The following NPLOC4 variants were observed in gnomAD, a reference collection of about 807,000 sequenced individuals.
NPLOC4 encodes NPL4 homolog, ubiquitin recognition factor.
A neutral mutation model predicts 80.6 loss-of-function variants in NPLOC4; 18 were observed. The observed-to-expected ratio is 0.22, with a 90% confidence interval of 0.15 to 0.33. The LOEUF (loss-of-function observed/expected upper bound fraction) is 0.33. NPLOC4 is among the 10% of genes least tolerant of loss of function. NPLOC4 has a pLI of 1.00. For synonymous variants in NPLOC4, 313 were observed against 301.5 expected, an observed-to-expected ratio of 1.04 and a Z score of -0.39; for missense variants, 540 against 786.1, an observed-to-expected ratio of 0.69 and a Z score of 3.74.
At chr17:81,565,885 T>C (rs2033995511) in intron 15 of NPLOC4, among the ~76,000 whole-genome samples, 1 of 152,212 alleles carries the variant, frequency 6.6e-6, no homozygotes, top group Admixed American at 6.5e-5. Context: ...GGATAGGAGC[T>C]CATGCCTCTC....
chr17:81,610,748 C>T (rs71373086), intron 4 of NPLOC4, among the ~76,000 whole-genome samples: 1 of 36,512 alleles, frequency 2.7e-5, no homozygotes, highest in African/African-American at 6.8e-5. Context: ...GTCAGGAGAT[C>T]GAGACCATCC....
At chr17:81,559,774 C>T (rs547521332) in intron 16 of NPLOC4, among the ~76,000 whole-genome samples, 1 of 149,376 alleles carries the variant, frequency 6.7e-6, no homozygotes, top group African/African-American at 2.5e-5. Flanking sequence ...GCTCTGTCAC[C>T]CAGGCTGGAG....
intron 12 of NPLOC4, among the ~76,000 whole-genome samples, chr17:81,575,263 C>A (rs2034266894): frequency 6.6e-6 from 1 of 152,140 alleles, no homozygotes; most frequent in Admixed American, 6.5e-5. Context: ...CCACGCCCGG[C>A]TAATTTTTTT....
chr17:81,558,202 A>G lies in NPLOC4; in HGVS notation c.*1057T>C, dbSNP rs1198335140. 3 of 152,346 alleles carry G rather than the reference A, an allele frequency of 2.0e-5. No homozygotes were observed. The highest frequency in any genetic ancestry group is 4.4e-5 in the Non-Finnish European group (3 of 68,132). 9.4% of individuals were successfully genotyped at this position (152,346 alleles called of 1,614,324 possible). A position where few individuals can be genotyped will look rare whatever the true frequency, so the allele number is the denominator to read the frequency against. ...TCTATTGGTACACTATCAATTGTGC[A>G]GTGCCCCAGGGAGGTCCCAAATGGC... On this transcript the variant is annotated 3_prime_UTR_variant, in exon 17 of 17. Coordinates refer to ENST00000331134, the MANE Select transcript of NPLOC4 (RefSeq NM_017921.4).
intron 1 of NPLOC4, among the ~76,000 whole-genome samples, chr17:81,635,311 C>T (rs1399372852): frequency 6.8e-6 from 1 of 147,256 alleles, no homozygotes; most frequent in Non-Finnish European, 1.5e-5. Flanking sequence ...TGAACTCCAG[C>T]CTGGGCGACA....
intron 12 of NPLOC4, among the ~76,000 whole-genome samples, chr17:81,588,725 T>A (rs1418478142): frequency 1.3e-5 from 2 of 152,226 alleles, no homozygotes. Context: ...TCAAAGCCAG[T>A]GCATGTAGCT....
chr17:81,604,495 C>T (rs975148209), intron 8 of NPLOC4, 53 bp downstream of exon 8: 2 of 1,552,020 alleles, frequency 1.3e-6, no homozygotes, highest in Non-Finnish European at 1.8e-6. Context: ...AAAGGGCGTC[C>T]CCCACAGCCT....
At chr17:81,588,733 G>C (rs531062831) in intron 12 of NPLOC4, among the ~76,000 whole-genome samples, 6 of 152,310 alleles carry the variant, frequency 3.9e-5, no homozygotes, top group African/African-American at 1.4e-4. Context: ...AGTGCATGTA[G>C]CTCCACTTCT....
In NPLOC4 at chr17:81,574,107, T is replaced by C. The variant is rs571218105; in HGVS notation, c.1282-2019A>G. 2.6e-5 allele frequency among the ~76,000 whole-genome samples: 4 copies of C among 152,336 alleles called. No individual in the cohort carries two copies. The South Asian group carries it at 8.3e-4, about 32-fold the overall frequency. The stretch of plus-strand genomic sequence containing the variant: ...CAAATCCAGTCAAACTAAATCACCA[T>C]TTCCAAAAATACAGGCTTGCCCCTA... On this transcript the variant is annotated intron_variant, in intron 12 of 16. Coordinates refer to ENST00000331134, the MANE Select transcript of NPLOC4 (RefSeq NM_017921.4).
chr17:81,634,310 T>C (rs11871166), intron 1 of NPLOC4, among the ~76,000 whole-genome samples: 17,247 of 152,110 alleles, frequency 0.11, 1,201 homozygotes, highest in Non-Finnish European at 0.15. Context: ...CCAGAAACTT[T>C]TCAAAAGATC....
chr17:81,611,907 C>T (rs935889264), intron 4 of NPLOC4, among the ~76,000 whole-genome samples: 9 of 145,812 alleles, frequency 6.2e-5, no homozygotes, highest in East Asian at 2.0e-4. Flanking sequence ...TGGCAGTGAG[C>T]GGACGTCGCG....
chr17:81,559,350 G>A lies in NPLOC4; in HGVS notation c.1736C>T (p.Ala579Val), dbSNP rs1385989240. ...CTGACAGGCCCACATGGCTGCAGTG[G>A]CCGTGTGTGTGGAGCCCCCGACGGC... ...YGAVGGSTHTATAAMWACQHC... is the reference protein window; with the variant it reads ...YGAVGGSTHTVTAAMWACQHC... The change falls in exon 17 of 17, where the codon GCC (alanine) becomes GTC (valine). Residue 579 changes from alanine (A) to valine (V), a missense_variant. Physicochemically the swap from Ala to Val is moderately conservative, Grantham distance 64. This residue lies in a region of NPLOC4 where 87 missense variants were observed against 70.3 expected (regional missense o/e 1.24). Transcript: ENST00000331134. 16 of 1,607,606 alleles carry A rather than the reference G, an allele frequency of 1.0e-5. No homozygotes were observed. Among genetic ancestry groups the A allele is most frequent in the Middle Eastern group, 1.7e-4 (1 of 6,004 alleles).
chr17:81,621,923 T>C (rs757877949), intron 3 of NPLOC4, among the ~76,000 whole-genome samples: 3 of 152,180 alleles, frequency 2.0e-5, no homozygotes, highest in Non-Finnish European at 2.9e-5. Context: ...AGACAATAAC[T>C]TTCTCCTCAG....
intron 11 of NPLOC4, among the ~76,000 whole-genome samples, chr17:81,593,163 TATA>T (rs1302420629): frequency 1.3e-5 from 2 of 152,142 alleles, no homozygotes; most frequent in African/African-American, 4.8e-5. Flanking sequence ...AATTCTGTTT[TATA>T]AATAGCCACA....
intron 7 of NPLOC4, 122 bp from the exon 8 acceptor site, chr17:81,604,849 G>T: frequency 3.5e-6 from 3 of 857,516 alleles, no homozygotes; most frequent in Non-Finnish European, 3.6e-6. Flanking sequence ...AACCAATAGG[G>T]TGTGATGGTG....
intron 12 of NPLOC4, among the ~76,000 whole-genome samples, chr17:81,576,830 C>T (rs1244785957): frequency 6.6e-6 from 1 of 152,176 alleles, no homozygotes; most frequent in Non-Finnish European, 1.5e-5. Flanking sequence ...GGTCCTGGGC[C>T]TGCCTGGTCC....
At chr17:81,602,866 C>T (rs2035095095) in intron 8 of NPLOC4, among the ~76,000 whole-genome samples, 1 of 151,636 alleles carries the variant, frequency 6.6e-6, no homozygotes, top group South Asian at 2.1e-4. Flanking sequence ...ATGGCGAGAT[C>T]TGTCTCCACA....
Position 81,557,332 on chromosome 17 carries a change from A to C in NPLOC4, c.*1927T>G, listed in dbSNP as rs1396948697. ...ATTACTGAACAAAGAGTAACTCAAA[A>C]CCAGAATCAGACAAATCGCCAATGC... On this transcript the variant is annotated 3_prime_UTR_variant, in exon 17 of 17. Transcript: ENST00000331134. 6.6e-6 allele frequency: 1 copy of C among 152,642 alleles called. No homozygotes were observed. The highest frequency in any genetic ancestry group is 1.9e-4 in the East Asian group (1 of 5,194). 9.5% of individuals were successfully genotyped at this position (152,642 alleles called of 1,614,324 possible). A position where few individuals can be genotyped will look rare whatever the true frequency, so the allele number is the denominator to read the frequency against.
intron 1 of NPLOC4, among the ~76,000 whole-genome samples, chr17:81,631,398 G>A (rs943397766): frequency 5.2e-5 from 7 of 135,614 alleles, no homozygotes; most frequent in African/African-American, 1.9e-4. Flanking sequence ...ACGTGTGTGT[G>A]CATATATGCA....
Sources: gnomAD v4.1 joint callset for allele counts (sites outside exome capture counted in the v4.1 genomes callset) on GRCh38, gnomAD v4.1.1 for gene constraint, gnomAD v4.1.1 regional missense constraint, MANE v1.5 for transcripts, NCBI Gene and HGNC (gene_info 2026-07-23, HGNC 2026-07-21) for gene names.